Variants in FAM98B observed in about 807,000 individuals in gnomAD.
FAM98B encodes the protein tRNA splicing ligase complex subunit 3B.
Under a neutral mutation model 43.9 loss-of-function variants are expected in FAM98B, and 32 were observed. The observed-to-expected ratio is 0.73, with a 90% CI of 0.55 to 0.98. The LOEUF is 0.98. FAM98B is among the 50% of genes least tolerant of loss of function. The pLI, the probability that FAM98B is intolerant of heterozygous loss-of-function variation, is 0.00. For missense variants in FAM98B, 514 were observed against 522.9 expected (o/e 0.98, Z 0.17); for synonymous variants, 190 against 174.0 (o/e 1.09, Z -0.72).
chr15:38,457,227 G>A (rs181177316), intron 1 of FAM98B, among the ~76,000 whole-genome samples: 10 of 152,090 alleles, frequency 6.6e-5, no homozygotes, highest in African/African-American at 1.2e-4. Context: ...TATGATACCC[G>A]GGCTAGTCTT....
intron 1 of FAM98B, among the ~76,000 whole-genome samples, chr15:38,461,436 T>C (rs1461501103): frequency 9.9e-5 from 15 of 152,190 alleles, no homozygotes; most frequent in Admixed American, 9.8e-4. Context: ...ATGTTAATGA[T>C]GGAGCATTTG....
At chr15:38,454,273 C>A in intron 1 of FAM98B, 41 bp downstream of exon 1, 4 of 1,568,088 alleles carry the variant, frequency 2.6e-6, no homozygotes, top group Non-Finnish European at 3.5e-6. Flanking sequence ...AAAACGCAAC[C>A]TCTCCTTGGC....
chr15:38,454,130 T>C lies in FAM98B; in HGVS notation c.-32T>C. 6.3e-7 allele frequency: 1 copy of C among 1,577,104 alleles called. No individual in the cohort carries two copies. The highest frequency in any genetic ancestry group is 8.6e-7 in the Non-Finnish European group (1 of 1,161,856). ...TGACGCTAGTTTCCGGCGGGCTACT[T>C]AGAGCGCCGAACAGCTCTGGGCCAA... On this transcript the variant is annotated 5_prime_UTR_variant, in exon 1 of 8. Transcript: ENST00000397609.
At position 38,485,674 on chromosome 15, in the gene FAM98B, A is replaced by G. The variant is rs1416350866; in HGVS notation, c.*1015A>G. 1.3e-5 allele frequency: 2 copies of G among 152,192 alleles called. No individual in the cohort carries two copies. Among genetic ancestry groups the G allele is most frequent in the Admixed American group, 1.3e-4 (2 of 15,280 alleles). The allele number at this position is 152,192 out of a possible 1,614,324, so 9.4% of individuals were successfully genotyped here. ...ATCATGGCACTAGGTCAGGGGTGCT[A>G]TGGATTGAAATGACCTTAGTTCTCA... On this transcript the variant is annotated 3_prime_UTR_variant, in exon 8 of 8. Transcript: ENST00000397609.
chr15:38,474,974 A>G (rs1162115794), intron 6 of FAM98B, among the ~76,000 whole-genome samples: 1 of 152,152 alleles, frequency 6.6e-6, no homozygotes, highest in African/African-American at 2.4e-5. Flanking sequence ...TTCACATCAC[A>G]TGGGTTATCC....
intron 1 of FAM98B, among the ~76,000 whole-genome samples, chr15:38,454,523 C>T (rs1459839723): frequency 6.6e-6 from 1 of 152,206 alleles, no homozygotes; most frequent in Non-Finnish European, 1.5e-5. Flanking sequence ...CTTCTAGCAC[C>T]GGTTTTCTGG....
chr15:38,464,394 G>A (rs1217934343), intron 2 of FAM98B, among the ~76,000 whole-genome samples: 2 of 152,014 alleles, frequency 1.3e-5, no homozygotes, highest in Non-Finnish European at 2.9e-5. Context: ...CTATTTATCT[G>A]CTATTTTTTT....
chr15:38,461,929 G>A (rs967843996), intron 1 of FAM98B, among the ~76,000 whole-genome samples: 2 of 152,028 alleles, frequency 1.3e-5, no homozygotes, highest in Non-Finnish European at 2.9e-5. Flanking sequence ...TGACCCAACA[G>A]TCTCACCTCT....
intron 6 of FAM98B, among the ~76,000 whole-genome samples, chr15:38,478,985 G>A (rs1360657605): frequency 6.6e-6 from 1 of 151,802 alleles, no homozygotes; most frequent in East Asian, 1.9e-4. Flanking sequence ...TTTTTGAGTT[G>A]TAGTCTTGTT....
chr15:38,473,631 A>G, intron 5 of FAM98B, 46 bp downstream of exon 5: 1 of 1,409,102 alleles, frequency 7.1e-7, no homozygotes, highest in Non-Finnish European at 9.8e-7. Context: ...TACATTAGTG[A>G]ATATGACTTA....
chr15:38,462,422 GAAAC>G (rs1595797321), intron 1 of FAM98B, among the ~76,000 whole-genome samples: 3 of 152,168 alleles, frequency 2.0e-5, no homozygotes, highest in South Asian at 2.1e-4. Flanking sequence ...GAAATAAAAA[GAAAC>G]AAATCCCTAC....
At chr15:38,465,209 A>G (rs536959264) in intron 2 of FAM98B, 60 bp from the exon 3 acceptor site, 3 of 1,487,802 alleles carry the variant, frequency 2.0e-6, no homozygotes, top group Admixed American at 2.4e-5. Context: ...AGTAGATTTT[A>G]TAGTATTGGA....
chr15:38,456,920 A>G (rs1433563539), intron 1 of FAM98B, among the ~76,000 whole-genome samples: 2 of 152,190 alleles, frequency 1.3e-5, no homozygotes, highest in Admixed American at 6.5e-5. Context: ...CAGGGCATGC[A>G]GCCCCTTTTA....
chr15:38,481,208 C>T (rs1371873336), intron 6 of FAM98B, 84 bp from the exon 7 acceptor site: 3 of 1,214,732 alleles, frequency 2.5e-6, no homozygotes, highest in Non-Finnish European at 3.5e-6. Flanking sequence ...ATCTCCTTTT[C>T]TTTATTTCTA....
chr15:38,476,917 G>A (rs558696549), intron 6 of FAM98B, among the ~76,000 whole-genome samples: 1 of 152,056 alleles, frequency 6.6e-6, no homozygotes, highest in Admixed American at 6.5e-5. Context: ...CTTGAGCCCA[G>A]GAGTTTGAGG....
Position 38,480,430 on chromosome 15 carries a change from A to G in FAM98B, c.730-862A>G, listed in dbSNP as rs138067060. Reference sequence around the variant, plus strand: ...CATCAATCTATGTTTTTTTCTCCCAAGTTCTAGTTAATTAGATGGAGGTAG... The same window carrying G: ...CATCAATCTATGTTTTTTTCTCCCAGGTTCTAGTTAATTAGATGGAGGTAG... On this transcript the variant is annotated intron_variant, in intron 6 of 7. Transcript: ENST00000397609. Among the ~76,000 whole-genome samples, 8 of 152,120 alleles carry G rather than the reference A, an allele frequency of 5.3e-5. No homozygotes were observed. The East Asian group carries it at 1.5e-3, about 29-fold the overall frequency.
At chr15:38,457,123 A>G (rs1001002887) in intron 1 of FAM98B, among the ~76,000 whole-genome samples, 1 of 152,192 alleles carries the variant, frequency 6.6e-6, no homozygotes, top group Non-Finnish European at 1.5e-5. Flanking sequence ...ATATGGGAAG[A>G]ACTACATTAC....
intron 1 of FAM98B, 39 bp downstream of exon 1, chr15:38,454,271 A>G (rs200681707): frequency 3.2e-6 from 5 of 1,571,602 alleles, no homozygotes; most frequent in East Asian, 4.6e-5. Flanking sequence ...TGAAAACGCA[A>G]CCTCTCCTTG....
At chr15:38,468,961 C>G (rs2141056424) in intron 3 of FAM98B, among the ~76,000 whole-genome samples, 1 of 152,342 alleles carries the variant, frequency 6.6e-6, no homozygotes, top group South Asian at 2.1e-4. Flanking sequence ...GGCTGGAGTG[C>G]AATGGCACGA....
Sources: gnomAD v4.1 joint callset for allele counts (sites outside exome capture counted in the v4.1 genomes callset) on GRCh38, gnomAD v4.1.1 for gene constraint, MANE v1.5 for transcripts, NCBI Gene and HGNC (gene_info 2026-07-23, HGNC 2026-07-21) for gene names.